The following IFNG-AS1 variants were observed in gnomAD, a reference collection of about 807,000 sequenced individuals.
IFNG-AS1 encodes the protein IFNG regulatory antisense RNA 1.
chr12:68,016,888 G>A (rs976665714), intron 3 of IFNG-AS1, among the ~76,000 whole-genome samples: 1 of 152,148 alleles, frequency 6.6e-6, no homozygotes, highest in Non-Finnish European at 1.5e-5. Flanking sequence ...CCATGCCCTG[G>A]GCTAGGCATA....
intron 2 of IFNG-AS1, chr12:67,996,096 T>C (rs548082523): frequency 6.6e-6 from 1 of 152,224 alleles, no homozygotes; most frequent in Non-Finnish European, 1.5e-5. Flanking sequence ...TATTTATTCA[T>C]TAACTCCTTC....
At chr12:68,010,071 T>C (rs1326612296) in intron 3 of IFNG-AS1, among the ~76,000 whole-genome samples, 1 of 152,234 alleles carries the variant, frequency 6.6e-6, no homozygotes, top group Non-Finnish European at 1.5e-5. Context: ...TGTTTACCAC[T>C]ACACCCAAGG....
At chr12:67,994,052 AT>A (rs1392298995) in intron 1 of IFNG-AS1, among the ~76,000 whole-genome samples, 1 of 152,168 alleles carries the variant, frequency 6.6e-6, no homozygotes, top group Admixed American at 6.5e-5. Flanking sequence ...AACCCCACTC[AT>A]TGTGGCATGG....
chr12:68,017,221 A>C (rs1880176017), intron 3 of IFNG-AS1, among the ~76,000 whole-genome samples: 2 of 152,176 alleles, frequency 1.3e-5, no homozygotes, highest in African/African-American at 4.8e-5. Context: ...ATGGCAGGAC[A>C]AGAGGAACGG....
intron 3 of IFNG-AS1, among the ~76,000 whole-genome samples, chr12:68,009,960 G>A (rs1879989000): frequency 6.6e-6 from 1 of 152,186 alleles, no homozygotes; most frequent in African/African-American, 2.4e-5. Flanking sequence ...GAAATTGAAA[G>A]TGTTGATAGT....
At chr12:68,016,624 C>A (rs987476303) in intron 3 of IFNG-AS1, among the ~76,000 whole-genome samples, 4 of 152,142 alleles carry the variant, frequency 2.6e-5, no homozygotes, top group African/African-American at 7.2e-5. Context: ...CAGAGTCTGG[C>A]ACTTAGTAAG....
chr12:68,014,797 C>CACACACACACACACACAG lies in IFNG-AS1; in HGVS notation n.242-5048_242-5047insGACACACACACACACACA, dbSNP rs1880109225. ...AAGAAATGTCTTACACACACACAGA[C>CACACACACACACACACAG]ACACACACACACACACACAGACACC... On this transcript the variant is annotated intron_variant and non_coding_transcript_variant, in intron 3 of 5. Transcript: ENST00000536914. Among the ~76,000 whole-genome samples, 4 of 1,578 alleles carry CACACACACACACACACAG rather than the reference C, an allele frequency of 2.5e-3. No individual in the cohort carries two copies. In the Admixed American group the frequency reaches 0.17, roughly 66 times the overall value. 1.0% of individuals were successfully genotyped at this position (1,578 alleles called of 152,430 possible).
At chr12:68,004,417 G>GATCTTCCC (rs912744723) in intron 2 of IFNG-AS1, among the ~76,000 whole-genome samples, 3 of 152,016 alleles carry the variant, frequency 2.0e-5, no homozygotes, top group African/African-American at 7.2e-5. Context: ...CCCAATGCTG[G>GATCTTCCC]ATCTTCCCAG....
intron 1 of IFNG-AS1, chr12:67,995,924 T>C (rs973467894): frequency 1.3e-5 from 2 of 152,162 alleles, no homozygotes; most frequent in African/African-American, 4.8e-5. Context: ...GATCACTCAT[T>C]TGACATTTCT....
chr12:68,019,661 T>C (rs1592832051), intron 3 of IFNG-AS1, among the ~76,000 whole-genome samples: 1 of 152,150 alleles, frequency 6.6e-6, no homozygotes, highest in Non-Finnish European at 1.5e-5. Context: ...ACACTCACAA[T>C]GTCCTATCAG....
At chr12:68,017,454 C>T (rs1278701338) in intron 3 of IFNG-AS1, among the ~76,000 whole-genome samples, 1 of 152,014 alleles carries the variant, frequency 6.6e-6, no homozygotes, top group East Asian at 1.9e-4. Flanking sequence ...GATTTGAGTA[C>T]TGGAAGCTGA....
At chr12:68,015,451 T>A (rs185531056) in intron 3 of IFNG-AS1, among the ~76,000 whole-genome samples, 311 of 152,218 alleles carry the variant, frequency 2.0e-3, no homozygotes, top group Admixed American at 5.0e-3. Flanking sequence ...GAGCAAGCAA[T>A]CCCACCCCTC....
At chr12:67,990,618 G>A (rs1008562676) in intron 1 of IFNG-AS1, among the ~76,000 whole-genome samples, 11 of 150,990 alleles carry the variant, frequency 7.3e-5, no homozygotes, top group Non-Finnish European at 1.3e-4. Context: ...TTTTGAGATG[G>A]AGTCTCGCAC....
At chr12:68,002,704 C>G (rs1879797094) in intron 2 of IFNG-AS1, among the ~76,000 whole-genome samples, 1 of 152,198 alleles carries the variant, frequency 6.6e-6, no homozygotes, top group South Asian at 2.1e-4. Flanking sequence ...TTCCCGCCTG[C>G]TCCCTTGCTT....
intron 2 of IFNG-AS1, among the ~76,000 whole-genome samples, chr12:68,003,685 C>T (rs558672126): frequency 1.2e-4 from 19 of 152,132 alleles, no homozygotes; most frequent in African/African-American, 4.1e-4. Flanking sequence ...GAGGCCAAGG[C>T]GGGTGGATCA....
intron 3 of IFNG-AS1, among the ~76,000 whole-genome samples, chr12:68,019,484 C>T (rs767661569): frequency 2.0e-5 from 3 of 152,168 alleles, no homozygotes; most frequent in Admixed American, 6.5e-5. Context: ...CTGACTCCCA[C>T]GTACCTCTGG....
chr12:68,009,296 A>G (rs1879972531), intron 3 of IFNG-AS1, among the ~76,000 whole-genome samples: 7 of 152,246 alleles, frequency 4.6e-5, no homozygotes, highest in African/African-American at 1.7e-4. Flanking sequence ...GTATCAGAAT[A>G]TATATTTTGT....
At chr12:67,998,104 T>A (rs1232119863) in intron 2 of IFNG-AS1, among the ~76,000 whole-genome samples, 1 of 152,110 alleles carries the variant, frequency 6.6e-6, no homozygotes, top group Non-Finnish European at 1.5e-5. Context: ...CACATACACT[T>A]ATTTTTTAAT....
intron 3 of IFNG-AS1, among the ~76,000 whole-genome samples, chr12:68,014,389 T>A (rs1880099970): frequency 6.6e-6 from 1 of 152,248 alleles, no homozygotes; most frequent in Non-Finnish European, 1.5e-5. Context: ...GCTGTACAAG[T>A]TTACATTCCC....
Sources: allele counts gnomAD v4.1 joint callset (sites outside exome capture counted in the v4.1 genomes callset), GRCh38; gene constraint gnomAD v4.1.1; transcripts MANE v1.5; gene names NCBI Gene and HGNC (gene_info 2026-07-23, HGNC 2026-07-21).